Variants in IL34 observed in about 807,000 individuals in gnomAD.
IL34 encodes the protein interleukin 34.
IL34 carries 17 observed loss-of-function variants against 25.3 expected under a neutral mutation model. The ratio of observed to expected loss-of-function variants is 0.67; its 90% CI spans 0.46 to 1.01. The LOEUF (loss-of-function observed/expected upper bound fraction) is 1.01. Among genes scored for constraint, IL34 ranks in the 50% least tolerant of loss-of-function variants. IL34 has a pLI of 0.00. For missense variants in IL34, 368 were observed against 312.9 expected (o/e 1.18, Z -1.33); for synonymous variants, 174 against 140.9 (o/e 1.23, Z -1.66).
upstream of IL34, among the ~76,000 whole-genome samples, chr16:70,643,158 G>C (rs1025885491): frequency 2.6e-5 from 4 of 152,116 alleles, no homozygotes; most frequent in African/African-American, 9.7e-5. Context: ...TGCCTCCCGG[G>C]TTCAAGTGAT....
intron 1 of IL34, among the ~76,000 whole-genome samples, chr16:70,651,402 T>A (rs2052075332): frequency 6.6e-6 from 1 of 152,206 alleles, no homozygotes; most frequent in African/African-American, 2.4e-5. Flanking sequence ...CACCCAATAC[T>A]GTATCAGGCA....
intron 1 of IL34, among the ~76,000 whole-genome samples, chr16:70,622,645 G>T (rs564546838): frequency 2.1e-4 from 32 of 152,096 alleles, no homozygotes; most frequent in African/African-American, 7.7e-4. Flanking sequence ...AGTCATGGGG[G>T]TCAGGTGTGG....
chr16:70,659,863 G>C (rs995450153), intron 5 of IL34, 110 bp downstream of exon 5: 8 of 1,491,722 alleles, frequency 5.4e-6, no homozygotes, highest in Middle Eastern at 2.0e-4. Context: ...CTGCTCCCCG[G>C]GGCTACAAGC....
At chr16:70,623,211 A>G (rs990196533) in intron 1 of IL34, among the ~76,000 whole-genome samples, 12 of 152,142 alleles carry the variant, frequency 7.9e-5, no homozygotes, top group African/African-American at 2.2e-4. Context: ...TGTCAGGGTC[A>G]GTCCAAGTGA....
At chr16:70,627,411 C>T (rs1006639044) in intron 1 of IL34, among the ~76,000 whole-genome samples, 14 of 151,590 alleles carry the variant, frequency 9.2e-5, no homozygotes, top group Non-Finnish European at 2.1e-4. Flanking sequence ...TCCCTCCCTC[C>T]AAAGGTGCAT....
intron 1 of IL34, among the ~76,000 whole-genome samples, chr16:70,630,315 G>C (rs1482230377): frequency 1.3e-5 from 2 of 151,952 alleles, no homozygotes; most frequent in African/African-American, 4.8e-5. Context: ...TCTGCTTATT[G>C]CAACATTTGC....
rs144677978 is a variant in IL34 at position 70,611,934 on chromosome 16, T to C, written c.-401+31885T>C. 3.3e-5 allele frequency among the ~76,000 whole-genome samples: 5 copies of C among 152,152 alleles called. No individual in the cohort carries two copies. The East Asian group carries it at 9.7e-4, about 29-fold the overall frequency. ...GGAGGAGCAGGAGGATTGCTTGAGATTGGAGGATTGCCTGAGCCCAGGAGG... is the reference window on the plus strand; with the variant it reads ...GGAGGAGCAGGAGGATTGCTTGAGACTGGAGGATTGCCTGAGCCCAGGAGG... On this transcript the variant is annotated intron_variant, in intron 1 of 6. Transcript: ENST00000429149.
At chr16:70,633,061 C>G (rs1317927865) in intron 1 of IL34, among the ~76,000 whole-genome samples, 1 of 152,154 alleles carries the variant, frequency 6.6e-6, no homozygotes, top group Non-Finnish European at 1.5e-5. Flanking sequence ...ACCTCCTGGG[C>G]TCAAGTGATC....
intron 1 of IL34, among the ~76,000 whole-genome samples, chr16:70,600,912 TGAG>T (rs2050905435): frequency 6.8e-6 from 1 of 146,210 alleles, no homozygotes; most frequent in Non-Finnish European, 1.5e-5. Context: ...CTGGGAGAAA[TGAG>T]AAGATGCTGG....
intron 1 of IL34, among the ~76,000 whole-genome samples, chr16:70,647,657 C>T (rs2051973604): frequency 6.6e-6 from 1 of 152,200 alleles, no homozygotes; most frequent in Non-Finnish European, 1.5e-5. Flanking sequence ...GAGTCACTGC[C>T]ATGACAACAA....
chr16:70,643,002 CTG>C (rs1429820220), upstream of IL34, among the ~76,000 whole-genome samples: 1 of 152,112 alleles, frequency 6.6e-6, no homozygotes, highest in African/African-American at 2.4e-5. Flanking sequence ...ATAATGGTGA[CTG>C]TTGCACAACT....
At chr16:70,652,085 G>A in intron 1 of IL34, among the ~76,000 whole-genome samples, 1 of 151,634 alleles carries the variant, frequency 6.6e-6, no homozygotes, top group East Asian at 1.9e-4. Flanking sequence ...CCAAGATTGC[G>A]CCACGGCACT....
chr16:70,646,984 TG>T lies in IL34; in HGVS notation c.28+15del. ...CTTCACCTGGCTGCGCTGTGAGTAC[TG>T]GGGGGTCCCTAGGGACCTGCATTGG... On this transcript the variant is annotated intron_variant, in intron 1 of 5. Transcript: ENST00000288098. 3 of 1,454,002 alleles carry T rather than the reference TG, an allele frequency of 2.1e-6. No homozygotes were observed. The highest frequency in any genetic ancestry group is 3.0e-5 in the South Asian group (2 of 67,102). 90.1% of individuals were successfully genotyped at this position (1,454,002 alleles called of 1,614,324 possible). A position where few individuals can be genotyped will look rare whatever the true frequency, so the allele number is the denominator to read the frequency against.
chr16:70,618,960 G>A lies in IL34; in HGVS notation c.-400-27588G>A, dbSNP rs148063762. ...ATAGTAAAGAAAGCATGTTTGAGATGTAGAACAGAATAATGGGTTATAGAG... is the reference window on the plus strand; with the variant it reads ...ATAGTAAAGAAAGCATGTTTGAGATATAGAACAGAATAATGGGTTATAGAG... On this transcript the variant is annotated intron_variant, in intron 1 of 6. Transcript: ENST00000429149. 5.8e-3 allele frequency among the ~76,000 whole-genome samples: 887 copies of A among 152,188 alleles called. 7 individuals carry two copies. The highest frequency in any genetic ancestry group is 0.017 in the Middle Eastern group (5 of 294).
chr16:70,648,681 G>C (rs2052004149), intron 1 of IL34, among the ~76,000 whole-genome samples: 2 of 151,940 alleles, frequency 1.3e-5, no homozygotes, highest in Non-Finnish European at 2.9e-5. Flanking sequence ...GAGGGAGAGG[G>C]AGAGCAGCAG....
chr16:70,654,344 T>G (rs910873498), intron 1 of IL34, 194 bp from the exon 2 acceptor site: 2 of 634,398 alleles, frequency 3.2e-6, no homozygotes, highest in African/African-American at 3.7e-5. Context: ...GCACTGCTAG[T>G]GCCTGCCTGA....
chr16:70,659,040 AC>A (rs1462384822), intron 4 of IL34, among the ~76,000 whole-genome samples: 1 of 151,598 alleles, frequency 6.6e-6, no homozygotes, highest in African/African-American at 2.4e-5. Context: ...CCAGAAGATC[AC>A]CCCCCACGTT....
intron 1 of IL34, among the ~76,000 whole-genome samples, chr16:70,616,387 A>G (rs1398286725): frequency 6.6e-6 from 1 of 152,240 alleles, no homozygotes; most frequent in Non-Finnish European, 1.5e-5. Flanking sequence ...CCAATCTGAT[A>G]GGTGAAAAAC....
chr16:70,644,006 G>A (rs550029701), upstream of IL34, among the ~76,000 whole-genome samples: 1 of 152,168 alleles, frequency 6.6e-6, no homozygotes, highest in East Asian at 1.9e-4. Flanking sequence ...ACAGAATCTC[G>A]CTCTGTTGCC....
Sources: gnomAD v4.1 joint callset for allele counts (sites outside exome capture counted in the v4.1 genomes callset) on GRCh38, gnomAD v4.1.1 for gene constraint, MANE v1.5 for transcripts, NCBI Gene and HGNC (gene_info 2026-07-23, HGNC 2026-07-21) for gene names.